Variants in RALGPS1 observed in about 807,000 individuals in gnomAD.
RALGPS1 encodes ras-specific guanine nucleotide-releasing factor RalGPS1.
A neutral mutation model predicts 78.8 loss-of-function variants in RALGPS1; 19 were observed. The ratio of observed to expected loss-of-function variants is 0.24; its 90% CI spans 0.17 to 0.35. The LOEUF (loss-of-function observed/expected upper bound fraction) is 0.35, where lower values mean the gene tolerates loss of function less well. Ranked by LOEUF, RALGPS1 falls within the 10% of genes least tolerant of loss-of-function variation. The probability of loss-of-function intolerance (pLI) is 1.00; values close to 1 mark genes in which losing one functional copy is unlikely to be tolerated. For missense variants in RALGPS1, 454 were observed against 688.3 expected (o/e 0.66, Z 3.81); for synonymous variants, 228 against 256.3 (o/e 0.89, Z 1.06).
Position 127,041,722 on chromosome 9 carries a change from GGATCTGTGAGTGAGAA to G in RALGPS1, c.300+7211_300+7226del, listed in dbSNP as rs536720731. Among the ~76,000 whole-genome samples, 21 of 152,300 alleles carry G rather than the reference GGATCTGTGAGTGAGAA, an allele frequency of 1.4e-4. No individual in the cohort carries two copies. The South Asian group carries it at 2.1e-3, about 15-fold the overall frequency. On this transcript the variant is annotated intron_variant, in intron 5 of 18. Transcript: ENST00000259351. ...AACATGTTATACAGGGATAGGTGGA[GGATCTGTGAGTGAGAA>G]GACTCAGGGAGAAGGTCATCAAGGT...
chr9:127,186,204 G>A (rs893694676), intron 11 of RALGPS1, among the ~76,000 whole-genome samples: 3 of 152,190 alleles, frequency 2.0e-5, no homozygotes, highest in Non-Finnish European at 4.4e-5. Flanking sequence ...GTTCCCCACA[G>A]AGACTGTCAG....
At chr9:127,143,983 C>T (rs1455498529) in intron 8 of RALGPS1, among the ~76,000 whole-genome samples, 1 of 152,232 alleles carries the variant, frequency 6.6e-6, no homozygotes, top group Non-Finnish European at 1.5e-5. Context: ...ATGGATTAGG[C>T]TGTGGGAGGG....
chr9:127,149,744 A>G (rs376377696), intron 8 of RALGPS1, among the ~76,000 whole-genome samples: 308 of 152,350 alleles, frequency 2.0e-3, no homozygotes, highest in Non-Finnish European at 3.6e-3. Context: ...TTTGTGGCCA[A>G]CCAGACCTGG....
At chr9:126,930,314 T>C (rs1277337069) in intron 1 of RALGPS1, among the ~76,000 whole-genome samples, 2 of 152,138 alleles carry the variant, frequency 1.3e-5, no homozygotes, top group Non-Finnish European at 2.9e-5. Flanking sequence ...AGTTTAAATA[T>C]AGTAATAATG....
intron 5 of RALGPS1, among the ~76,000 whole-genome samples, chr9:127,037,297 A>C (rs1210577180): frequency 1.3e-5 from 2 of 152,198 alleles, no homozygotes; most frequent in Non-Finnish European, 2.9e-5. Context: ...ATTTTGGAAA[A>C]GGTGAAGAGG....
At chr9:126,945,303 A>G (rs2037157432) in intron 1 of RALGPS1, among the ~76,000 whole-genome samples, 1 of 152,008 alleles carries the variant, frequency 6.6e-6, no homozygotes, top group African/African-American at 2.4e-5. Flanking sequence ...GGTTCAACCC[A>G]TTCTCCTGCC....
chr9:126,981,585 T>G (rs1469387119), intron 4 of RALGPS1, among the ~76,000 whole-genome samples: 1 of 152,230 alleles, frequency 6.6e-6, no homozygotes, highest in East Asian at 1.9e-4. Flanking sequence ...GTTTACATTT[T>G]CCTGAGCATT....
At chr9:126,974,949 C>T (rs1267131964) in intron 3 of RALGPS1, among the ~76,000 whole-genome samples, 1 of 145,154 alleles carries the variant, frequency 6.9e-6, no homozygotes, top group Admixed American at 6.7e-5. Flanking sequence ...CTTACCCCAA[C>T]CCCTACCCAT....
intron 4 of RALGPS1, among the ~76,000 whole-genome samples, chr9:126,998,664 C>G (rs543190754): frequency 1.4e-4 from 21 of 152,282 alleles, no homozygotes; most frequent in African/African-American, 4.8e-4. Context: ...CATCCCATTA[C>G]TGGGTATATA....
chr9:127,028,565 C>G (rs532820421), intron 4 of RALGPS1, among the ~76,000 whole-genome samples: 1 of 152,284 alleles, frequency 6.6e-6, no homozygotes, highest in South Asian at 2.1e-4. Context: ...GTCCTACTGT[C>G]CAGGGACTGC....
intron 8 of RALGPS1, among the ~76,000 whole-genome samples, chr9:127,096,374 C>T (rs954045791): frequency 1.3e-5 from 2 of 152,252 alleles, no homozygotes; most frequent in Non-Finnish European, 2.9e-5. Context: ...GATGTGAATG[C>T]TGGTGACGGA....
chr9:127,093,720 T>G, intron 8 of RALGPS1: 1 of 1,613,482 alleles, frequency 6.2e-7, no homozygotes, highest in Non-Finnish European at 8.5e-7. Context: ...AGACATCCCC[T>G]GCCGAGTCTC....
At chr9:127,156,329 G>GTAAAT (rs1410382006) in intron 8 of RALGPS1, among the ~76,000 whole-genome samples, 34 of 152,200 alleles carry the variant, frequency 2.2e-4, no homozygotes, top group Admixed American at 1.2e-3. Context: ...GAATTACTGG[G>GTAAAT]TCCTAGAAAA....
intron 11 of RALGPS1, among the ~76,000 whole-genome samples, chr9:127,185,334 G>T (rs1240017485): frequency 6.6e-6 from 1 of 152,202 alleles, no homozygotes; most frequent in African/African-American, 2.4e-5. Context: ...TGCACATGCT[G>T]TTCTGTCTGC....
At chr9:127,079,414 C>G (rs536201424) in intron 8 of RALGPS1, among the ~76,000 whole-genome samples, 1 of 152,356 alleles carries the variant, frequency 6.6e-6, no homozygotes, top group African/African-American at 2.4e-5. Context: ...CCGATGATTT[C>G]TGTTCCCTAG....
At chr9:126,947,286 T>A (rs1476920092) in intron 1 of RALGPS1, among the ~76,000 whole-genome samples, 1 of 152,192 alleles carries the variant, frequency 6.6e-6, no homozygotes, top group Non-Finnish European at 1.5e-5. Flanking sequence ...CCTTTCAGCC[T>A]CCTGTGAAGT....
At chr9:127,172,603 C>T (rs1451604341) in intron 10 of RALGPS1, among the ~76,000 whole-genome samples, 3 of 152,206 alleles carry the variant, frequency 2.0e-5, no homozygotes, top group African/African-American at 4.8e-5. Flanking sequence ...TTGCTAACAG[C>T]GGCAACCTCC....
chr9:127,150,575 T>TA (rs2058360383), intron 8 of RALGPS1, among the ~76,000 whole-genome samples: 7 of 152,334 alleles, frequency 4.6e-5, no homozygotes, highest in Middle Eastern at 3.4e-3. Context: ...TGGCCAAGTA[T>TA]AAGCTCCTGC....
chr9:127,058,368 GT>G (rs1303472746), intron 7 of RALGPS1, among the ~76,000 whole-genome samples: 1 of 152,166 alleles, frequency 6.6e-6, no homozygotes, highest in African/African-American at 2.4e-5. Flanking sequence ...TTTAATTACT[GT>G]TGCTACTGTG....
Sources: gnomAD v4.1 joint callset for allele counts (sites outside exome capture counted in the v4.1 genomes callset) on GRCh38, gnomAD v4.1.1 for gene constraint, MANE v1.5 for transcripts, NCBI Gene and HGNC (gene_info 2026-07-23, HGNC 2026-07-21) for gene names.